MYT1L: variants seen among roughly 807,000 people sequenced by gnomAD.
MYT1L encodes myelin transcription factor 1 like, also known as myelin transcription factor 1-like protein.
A neutral mutation model predicts 126.7 loss-of-function variants in MYT1L; 12 were observed. The ratio of observed to expected loss-of-function variants is 0.09; its 90% CI spans 0.06 to 0.15. The LOEUF is 0.15. Ranked by LOEUF, MYT1L falls within the 10% of genes least tolerant of loss-of-function variation. The pLI is 1.00. For synonymous variants in MYT1L, 541 were observed against 604.2 expected (o/e 0.90, Z 1.53); for missense variants, 979 against 1,585.2 (o/e 0.62, Z 6.49).
chr2:2,128,586 T>C (rs1193849531), intron 3 of MYT1L, among the ~76,000 whole-genome samples: 1 of 152,240 alleles, frequency 6.6e-6, no homozygotes, highest in Non-Finnish European at 1.5e-5. Context: ...GATTATTCTA[T>C]GTAAAAACAT....
intron 3 of MYT1L, among the ~76,000 whole-genome samples, chr2:2,074,586 C>T (rs914361110): frequency 6.6e-6 from 1 of 152,026 alleles, no homozygotes; most frequent in African/African-American, 2.4e-5. Flanking sequence ...TCACACCCAA[C>T]GGGATATGGT....
chr2:2,086,334 G>A (rs1047812441), intron 3 of MYT1L, among the ~76,000 whole-genome samples: 5 of 152,126 alleles, frequency 3.3e-5, no homozygotes, highest in Admixed American at 2.6e-4. Context: ...CATTTAAACT[G>A]AAATTATTTG....
At chr2:1,846,748 A>C (rs1475781803) in intron 19 of MYT1L, among the ~76,000 whole-genome samples, 1 of 152,184 alleles carries the variant, frequency 6.6e-6, no homozygotes, top group Middle Eastern at 3.2e-3. Flanking sequence ...CCGCATGAGA[A>C]TGGATCCTGT....
chr2:2,325,396 T>A (rs573258237), intron 1 of MYT1L: 1 of 152,200 alleles, frequency 6.6e-6, no homozygotes, highest in African/African-American at 2.4e-5. Context: ...ACTACTTGTC[T>A]AAGAAAGTTA....
At chr2:2,237,715 G>T (rs1474962433) in intron 2 of MYT1L, among the ~76,000 whole-genome samples, 1 of 152,102 alleles carries the variant, frequency 6.6e-6, no homozygotes, top group Non-Finnish European at 1.5e-5. Context: ...CCCCTGGATT[G>T]GGAATGTCCT....
chr2:2,160,632 C>G (rs376246475), intron 3 of MYT1L, among the ~76,000 whole-genome samples: 1 of 152,128 alleles, frequency 6.6e-6, no homozygotes, highest in Non-Finnish European at 1.5e-5. Flanking sequence ...AGACATTGCA[C>G]GCCATCTTCT....
At chr2:2,177,393 A>G (rs1483252065) in intron 2 of MYT1L, among the ~76,000 whole-genome samples, 2 of 152,364 alleles carry the variant, frequency 1.3e-5, no homozygotes, top group Non-Finnish European at 2.9e-5. Flanking sequence ...CTGACCTATA[A>G]GCACTGACAA....
At chr2:2,287,047 G>A (rs2095531629) in intron 1 of MYT1L, among the ~76,000 whole-genome samples, 1 of 151,996 alleles carries the variant, frequency 6.6e-6, no homozygotes, top group South Asian at 2.1e-4. Flanking sequence ...ACCTGAGGTC[G>A]GGAGTTCGAG....
At chr2:1,938,466 A>G (rs530552721) in intron 9 of MYT1L, among the ~76,000 whole-genome samples, 1 of 152,342 alleles carries the variant, frequency 6.6e-6, no homozygotes, top group Admixed American at 6.5e-5. Flanking sequence ...AAAATTCTTC[A>G]TGCAAAAGAC....
rs547725215 is a variant in MYT1L at position 2,214,667 on chromosome 2, G to A, written c.-420-41679C>T. Among the ~76,000 whole-genome samples, 3 of 152,270 alleles carry A rather than the reference G, an allele frequency of 2.0e-5. No homozygotes were observed. In the South Asian group the frequency reaches 6.2e-4, roughly 32 times the overall value. ...TAAGACAAAGACTTCTTCAGATATA[G>A]AGAAGCTGAAAGAATATGTGTCACC... On this transcript the variant is annotated intron_variant, in intron 2 of 24. Coordinates refer to ENST00000647738, the MANE Select transcript of MYT1L (RefSeq NM_001303052.2).
At chr2:1,950,482 C>T (rs569726058) in intron 8 of MYT1L, among the ~76,000 whole-genome samples, 1 of 151,812 alleles carries the variant, frequency 6.6e-6, no homozygotes, top group East Asian at 2.0e-4. Context: ...GAGGAGGCTT[C>T]ACAGGGGACC....
intron 4 of MYT1L, among the ~76,000 whole-genome samples, chr2:2,048,081 T>G (rs1024049956): frequency 1.3e-5 from 2 of 152,114 alleles, no homozygotes; most frequent in African/African-American, 4.8e-5. Context: ...ATGCAGACAC[T>G]GTGCACCAAG....
At chr2:1,903,775 G>A (rs1003712256) in intron 13 of MYT1L, among the ~76,000 whole-genome samples, 2 of 152,146 alleles carry the variant, frequency 1.3e-5, no homozygotes, top group African/African-American at 4.8e-5. Flanking sequence ...GTACCTAACT[G>A]GACAATGAGG....
At chr2:1,932,625 C>CA (rs2055164091) in intron 9 of MYT1L, among the ~76,000 whole-genome samples, 1 of 152,242 alleles carries the variant, frequency 6.6e-6, no homozygotes, top group African/African-American at 2.4e-5. Flanking sequence ...AAAAATGAAG[C>CA]AAAATCAAAA....
Position 2,310,645 on chromosome 2 carries a change from C to T in MYT1L, c.-521+20322G>A, listed in dbSNP as rs190880795. 2.0e-4 allele frequency among the ~76,000 whole-genome samples: 30 copies of T among 152,292 alleles called. No individual in the cohort carries two copies. The East Asian group carries it at 5.4e-3, about 27-fold the overall frequency. On this transcript the variant is annotated intron_variant, in intron 1 of 24. Coordinates refer to ENST00000647738, the MANE Select transcript of MYT1L (RefSeq NM_001303052.2). Reference sequence around the variant, plus strand: ...AACAATATCTTTTATATGTTATCCCCACTCCAGCCTGGCTTGACATTGTGT... The same window carrying T: ...AACAATATCTTTTATATGTTATCCCTACTCCAGCCTGGCTTGACATTGTGT...
chr2:2,094,862 G>A (rs1381944673), intron 3 of MYT1L, among the ~76,000 whole-genome samples: 1 of 152,080 alleles, frequency 6.6e-6, no homozygotes, highest in Admixed American at 6.5e-5. Flanking sequence ...CATGGCAAAT[G>A]TATACATATG....
chr2:1,870,519 C>T (rs575325108), intron 18 of MYT1L, among the ~76,000 whole-genome samples: 1 of 152,320 alleles, frequency 6.6e-6, no homozygotes, highest in Non-Finnish European at 1.5e-5. Flanking sequence ...CCAGTCTTGC[C>T]TCAGTGACCA....
intron 14 of MYT1L, among the ~76,000 whole-genome samples, chr2:1,892,562 C>CA (rs369282932): frequency 7.0e-6 from 1 of 143,538 alleles, no homozygotes; most frequent in African/African-American, 2.6e-5. Flanking sequence ...GGAGAGGCTG[C>CA]ACCTCACACC....
intron 9 of MYT1L, among the ~76,000 whole-genome samples, chr2:1,932,363 A>G (rs1017475781): frequency 6.6e-6 from 1 of 152,210 alleles, no homozygotes; most frequent in Admixed American, 6.5e-5. Context: ...CTTTTATCAG[A>G]TCCAAGAGAA....
Sources: gnomAD v4.1 joint callset for allele counts (sites outside exome capture counted in the v4.1 genomes callset) on GRCh38, gnomAD v4.1.1 for gene constraint, MANE v1.5 for transcripts, NCBI Gene and HGNC (gene_info 2026-07-23, HGNC 2026-07-21) for gene names.